LIPC: variants seen among roughly 807,000 people sequenced by gnomAD.
The protein encoded by LIPC is hepatic triacylglycerol lipase.
In LIPC, 44 loss-of-function variants were observed where a neutral mutation model predicts 50.7. The ratio of observed to expected loss-of-function variants is 0.87; its 90% CI spans 0.68 to 1.11. The LOEUF (loss-of-function observed/expected upper bound fraction) is 1.11. Among genes scored for constraint, LIPC ranks in the 50% most tolerant of loss-of-function variants. LIPC has a pLI of 0.00. For synonymous variants in LIPC, 271 were observed against 256.4 expected, an observed-to-expected ratio of 1.06 and a Z score of -0.54; for missense variants, 697 against 648.2, an observed-to-expected ratio of 1.08 and a Z score of -0.82.
chr15:58,507,845 G>C (rs150226292), intron 1 of LIPC, among the ~76,000 whole-genome samples: 145 of 152,308 alleles, frequency 9.5e-4, no homozygotes, highest in African/African-American at 3.4e-3. Context: ...TTCTTCATAG[G>C]GGAAGGGGAG....
intron 1 of LIPC, among the ~76,000 whole-genome samples, chr15:58,499,453 G>A (rs1891895144): frequency 1.3e-5 from 2 of 152,180 alleles, no homozygotes; most frequent in African/African-American, 2.4e-5. Flanking sequence ...TAACAGGAAA[G>A]GGAAGATCTG....
intron 1 of LIPC, among the ~76,000 whole-genome samples, chr15:58,505,197 C>G (rs571295485): frequency 6.6e-6 from 1 of 152,250 alleles, no homozygotes; most frequent in Non-Finnish European, 1.5e-5. Flanking sequence ...AGCCGGCCAT[C>G]AGGGTGCTGG....
chr15:58,541,646 G>C (rs1199628860), intron 2 of LIPC, 139 bp from the exon 3 acceptor site: 2 of 860,924 alleles, frequency 2.3e-6, no homozygotes, highest in Non-Finnish European at 3.8e-6. Flanking sequence ...GGAATTCTCT[G>C]GCCCAAAATG....
intron 1 of LIPC, among the ~76,000 whole-genome samples, chr15:58,486,041 A>T (rs1891364324): frequency 6.6e-6 from 1 of 152,222 alleles, no homozygotes; most frequent in African/African-American, 2.4e-5. Context: ...GGTTCCAGTG[A>T]ACAGAAAGCC....
intron 1 of LIPC, among the ~76,000 whole-genome samples, chr15:58,483,733 C>G (rs1891270829): frequency 6.6e-6 from 1 of 152,078 alleles, no homozygotes; most frequent in Non-Finnish European, 1.5e-5. Flanking sequence ...TGTCCTACAT[C>G]AATTTTTTTT....
chr15:58,530,160 C>T (rs1294408787), intron 1 of LIPC, among the ~76,000 whole-genome samples: 1 of 152,226 alleles, frequency 6.6e-6, no homozygotes, highest in Non-Finnish European at 1.5e-5. Context: ...GCTGCATGGT[C>T]TCCAGGCGCC....
At chr15:58,545,650 A>C in intron 4 of LIPC, 92 bp from the exon 5 acceptor site, 2 of 1,053,806 alleles carry the variant, frequency 1.9e-6, no homozygotes, top group Non-Finnish European at 1.4e-6. Flanking sequence ...CTGCTAGTTC[A>C]CTGATGTATA....
At chr15:58,502,595 TA>T (rs1473987998) in intron 1 of LIPC, among the ~76,000 whole-genome samples, 2 of 152,032 alleles carry the variant, frequency 1.3e-5, no homozygotes, top group African/African-American at 4.8e-5. Context: ...TCAAAGTGGT[TA>T]ACTCCAAGTC....
rs146195468 is a variant in LIPC, at chr15:58,566,125, A to G, written c.1388+2402A>G. ...GTGAGCCTGATGTTCTGCATTTCTA[A>G]CAAGCGACCAGGCAATGCTGTTGCT... On this transcript the variant is annotated intron_variant, in intron 8 of 8. Transcript: ENST00000299022. 1.8e-5 allele frequency: 18 copies of G among 977,670 alleles called. No individual in the cohort carries two copies. In the African/African-American group the frequency reaches 3.0e-4, roughly 16 times the overall value. The allele number at this position is 977,670 out of a possible 1,614,324, so 60.6% of individuals were successfully genotyped here.
intron 1 of LIPC, among the ~76,000 whole-genome samples, chr15:58,496,189 T>G (rs776970142): frequency 8.5e-5 from 13 of 152,122 alleles, no homozygotes; most frequent in Non-Finnish European, 1.5e-4. Flanking sequence ...CATCTTTGCT[T>G]GGCACAGCTG....
chr15:58,545,957 G>A lies in LIPC; in HGVS notation c.790G>A (p.Ala264Thr), dbSNP rs1384618023. The A allele has an allele frequency of 2.5e-6, 4 of 1,613,668 alleles. No individual in the cohort carries two copies. The change falls in exon 5 of 9, where the codon GCC becomes ACC. Residue 264 changes from alanine to threonine, a missense_variant. Transcript: ENST00000299022. ...CTTCCTAGAGCTCTACAGACATATT[G>A]CCCAGCACGGCTTCAATGGTGAGAA... ...CHFLELYRHI[A>T]QHGFNAITQT...
At chr15:58,566,032 A>G (rs1894354170) in intron 8 of LIPC, 1 of 984,854 alleles carries the variant, frequency 1.0e-6, no homozygotes, top group Admixed American at 6.2e-5. Flanking sequence ...GGCTTCTCAA[A>G]CTTTCACGAG....
In LIPC at chr15:58,541,827, G is replaced by A. The variant is rs141018530; in HGVS notation, c.316G>A (p.Ala106Thr). ...LENWIWQMVA[A>T]LKSQPAQPVN... ...AAACTGGATCTGGCAGATGGTGGCC[G>A]CGCTGAAGTCTCAGCCGGCCCAGCC... Residue 106 changes from alanine to threonine, a missense_variant, in exon 3 of 9, where the codon GCG becomes ACG. By Grantham distance (58) the Ala-to-Thr change is moderately conservative. Coordinates refer to ENST00000299022, the MANE Select transcript of LIPC (RefSeq NM_000236.3). 1.7e-5 allele frequency: 28 copies of A among 1,613,336 alleles called. No homozygotes were observed. The highest frequency in any genetic ancestry group is 1.6e-4 in the African/African-American group (12 of 75,026).
intron 2 of LIPC, among the ~76,000 whole-genome samples, chr15:58,540,603 G>A (rs746118383): frequency 3.3e-5 from 5 of 152,122 alleles, no homozygotes; most frequent in Admixed American, 6.6e-5. Context: ...GCCCTCAGGG[G>A]AGCTCTCCAG....
chr15:58,488,595 T>C (rs1891458850), intron 1 of LIPC, among the ~76,000 whole-genome samples: 2 of 152,208 alleles, frequency 1.3e-5, no homozygotes, highest in Admixed American at 6.5e-5. Flanking sequence ...GGGGGCAGCC[T>C]CTCTGAACTG....
chr15:58,526,583 C>T (rs74019121), intron 1 of LIPC, among the ~76,000 whole-genome samples: 5,097 of 152,276 alleles, frequency 0.033, 307 homozygotes, highest in African/African-American at 0.12. Context: ...AAAGGCACCG[C>T]GCCAAGCTAC....
At chr15:58,498,304 C>T (rs1330974123) in intron 1 of LIPC, among the ~76,000 whole-genome samples, 1 of 152,056 alleles carries the variant, frequency 6.6e-6, no homozygotes, top group African/African-American at 2.4e-5. Context: ...AGGTCTAGAG[C>T]GGGACTTACA....
intron 8 of LIPC, among the ~76,000 whole-genome samples, chr15:58,567,379 A>C (rs1894428332): frequency 7.2e-6 from 1 of 138,074 alleles, no homozygotes; most frequent in African/African-American, 2.6e-5. Context: ...ATATATATAT[A>C]GTGAACAGAC....
At chr15:58,557,892 CT>C (rs1170634984) in intron 6 of LIPC, among the ~76,000 whole-genome samples, 1 of 152,092 alleles carries the variant, frequency 6.6e-6, no homozygotes, top group African/African-American at 2.4e-5. Flanking sequence ...AAAGAACTTT[CT>C]TTTTGTCTCA....
Sources: gnomAD v4.1 joint callset for allele counts (sites outside exome capture counted in the v4.1 genomes callset) on GRCh38, gnomAD v4.1.1 for gene constraint, MANE v1.5 for transcripts, NCBI Gene and HGNC (gene_info 2026-07-23, HGNC 2026-07-21) for gene names.